The following GRB14 variants were observed in gnomAD, a reference collection of about 807,000 sequenced individuals.
GRB14 encodes the protein growth factor receptor-bound protein 14.
GRB14 carries 38 observed loss-of-function variants against 69.1 expected under a neutral mutation model. The observed-to-expected ratio is 0.55, with a 90% confidence interval of 0.42 to 0.72. The LOEUF (loss-of-function observed/expected upper bound fraction) is 0.72. Ranked by LOEUF, GRB14 falls within the 30% of genes least tolerant of loss-of-function variation. The probability of loss-of-function intolerance (pLI) is 0.00; values close to 1 mark genes in which losing one functional copy is unlikely to be tolerated. For synonymous variants in GRB14, 247 were observed against 241.3 expected (o/e 1.02, Z -0.22); for missense variants, 666 against 666.1 (o/e 1.00, Z 0.00).
chr2:164,616,231 T>C (rs561306995), intron 2 of GRB14, among the ~76,000 whole-genome samples: 1 of 151,956 alleles, frequency 6.6e-6, no homozygotes, highest in Non-Finnish European at 1.5e-5. Flanking sequence ...GAGATCATCC[T>C]GGCTAACACG....
Position 164,558,194 on chromosome 2 carries a change from G to T in GRB14, c.325-10378C>A, listed in dbSNP as rs568460417. Among the ~76,000 whole-genome samples, 19 of 152,164 alleles carry T rather than the reference G, an allele frequency of 1.2e-4. 1 individual carries two copies. The South Asian group carries it at 3.9e-3, about 32-fold the overall frequency. ...ACCTTTTCTGCTCTCCTTGTCTCAG[G>T]CCAAGAGCCATGAAGAGTACTCATT... On this transcript the variant is annotated intron_variant, in intron 2 of 13. Coordinates refer to ENST00000263915, the MANE Select transcript of GRB14 (RefSeq NM_004490.3).
Position 164,568,819 on chromosome 2 carries a change from A to G in GRB14, c.325-21003T>C, listed in dbSNP as rs1056221947. On this transcript the variant is annotated intron_variant, in intron 2 of 13. Transcript: ENST00000263915. ...GTATATAAATATATTAATGAACTAA[A>G]TTTACTTATGCTATTCATAAAATTG... Among the ~76,000 whole-genome samples the G allele has an allele frequency of 1.4e-4, 22 of 152,298 alleles. 1 individual carries two copies. Among genetic ancestry groups the G allele is most frequent in the African/African-American group, 5.3e-4 (22 of 41,564 alleles).
intron 2 of GRB14, among the ~76,000 whole-genome samples, chr2:164,618,200 C>T (rs1690355445): frequency 6.6e-6 from 1 of 151,868 alleles, no homozygotes; most frequent in African/African-American, 2.4e-5. Context: ...CTTCAGACTT[C>T]GTGATCTGCC....
chr2:164,610,876 A>T (rs2105359345), intron 2 of GRB14, among the ~76,000 whole-genome samples: 2 of 143,886 alleles, frequency 1.4e-5, no homozygotes, highest in South Asian at 2.2e-4. Flanking sequence ...AAAAAAATTA[A>T]AAAAAAAAAA....
At chr2:164,516,827 C>T (rs919872957) in intron 6 of GRB14, among the ~76,000 whole-genome samples, 3 of 152,122 alleles carry the variant, frequency 2.0e-5, no homozygotes, top group Non-Finnish European at 4.4e-5. Flanking sequence ...ATTTCGAGAC[C>T]AGCCTGGCTA....
chr2:164,611,318 G>A (rs1690162403), intron 2 of GRB14, among the ~76,000 whole-genome samples: 1 of 152,144 alleles, frequency 6.6e-6, no homozygotes. Flanking sequence ...GGCCATTTAT[G>A]GGGCTCCTGT....
At chr2:164,588,678 T>C (rs1689591518) in intron 2 of GRB14, among the ~76,000 whole-genome samples, 1 of 152,214 alleles carries the variant, frequency 6.6e-6, no homozygotes, top group African/African-American at 2.4e-5. Context: ...TCAGAAGTTA[T>C]TCAGGTAGAC....
At chr2:164,604,664 T>TA (rs1167620089) in intron 2 of GRB14, among the ~76,000 whole-genome samples, 1 of 152,112 alleles carries the variant, frequency 6.6e-6, no homozygotes, top group African/African-American at 2.4e-5. Flanking sequence ...GTTAGTTCTC[T>TA]AACTGTTTGG....
At chr2:164,580,320 T>G (rs951034362) in intron 2 of GRB14, among the ~76,000 whole-genome samples, 6 of 151,374 alleles carry the variant, frequency 4.0e-5, no homozygotes, top group African/African-American at 1.5e-4. Flanking sequence ...CTCGAACTCC[T>G]GACCTCAGGT....
intron 2 of GRB14, among the ~76,000 whole-genome samples, chr2:164,570,735 G>A (rs765376656): frequency 2.9e-4 from 44 of 152,290 alleles, no homozygotes; most frequent in Non-Finnish European, 5.0e-4. Flanking sequence ...TAGAAATGCT[G>A]TTTTGTATCA....
rs193235171 is a variant in GRB14 at position 164,560,902 on chromosome 2, C to T, written c.325-13086G>A. On this transcript the variant is annotated intron_variant, in intron 2 of 13. Coordinates refer to ENST00000263915, the MANE Select transcript of GRB14 (RefSeq NM_004490.3). ...TCATAATAGCAAGCATTATTAATAT[C>T]CTACAGGGGTAGAAAATCCTTATCC... Among the ~76,000 whole-genome samples, 320 of 152,184 alleles carry T rather than the reference C, an allele frequency of 2.1e-3. 1 individual carries two copies. Among genetic ancestry groups the T allele is most frequent in the Middle Eastern group, 0.017 (5 of 294 alleles).
chr2:164,503,442 C>CAAAAAAAAAAAAAAAAAAAAAAAAAA (rs148268784), intron 8 of GRB14, among the ~76,000 whole-genome samples: 1 of 92,258 alleles, frequency 1.1e-5, no homozygotes, highest in Non-Finnish European at 1.8e-5. Context: ...GGTAATTAGG[C>CAAAAAAAAAAAAAAAAAAAAAAAAAA]AAAAAAAAAA....
At chr2:164,514,059 T>C (rs1687413494) in intron 6 of GRB14, among the ~76,000 whole-genome samples, 1 of 152,260 alleles carries the variant, frequency 6.6e-6, no homozygotes, top group African/African-American at 2.4e-5. Context: ...GTAACCATTA[T>C]ATAGGTAAAC....
intron 2 of GRB14, among the ~76,000 whole-genome samples, chr2:164,567,398 T>C (rs531854048): frequency 2.3e-4 from 35 of 152,288 alleles, no homozygotes; most frequent in African/African-American, 7.9e-4. Flanking sequence ...TTCAAATAAA[T>C]TGCAACATGA....
intron 2 of GRB14, among the ~76,000 whole-genome samples, chr2:164,600,449 T>C (rs1244603685): frequency 6.6e-6 from 1 of 152,156 alleles, no homozygotes. Context: ...ACTCCTTCTG[T>C]AGGAGAAATG....
intron 5 of GRB14, among the ~76,000 whole-genome samples, chr2:164,522,987 C>T (rs1306746741): frequency 6.6e-6 from 1 of 151,944 alleles, no homozygotes; most frequent in African/African-American, 2.4e-5. Context: ...TACTCTGAGA[C>T]CATCACAGGT....
intron 2 of GRB14, among the ~76,000 whole-genome samples, chr2:164,611,574 A>C (rs1690167774): frequency 6.6e-6 from 1 of 151,234 alleles, no homozygotes; most frequent in African/African-American, 2.4e-5. Flanking sequence ...TATTGGACCT[A>C]TGCCGGCCTC....
rs374802442 is a variant in GRB14 at position 164,609,588 on chromosome 2, T to C, written c.324+10099A>G. ...CTTTGCATTTATAAATACATATTTA[T>C]TATATAAATTACATAAATTCAGTGC... On this transcript the variant is annotated intron_variant, in intron 2 of 13. Transcript: ENST00000263915. Among the ~76,000 whole-genome samples, 267 of 152,328 alleles carry C rather than the reference T, an allele frequency of 1.8e-3. 8 individuals carry two copies. In the South Asian group the frequency reaches 0.053, roughly 30 times the overall value.
chr2:164,508,777 G>GTTTT lies in GRB14; in HGVS notation c.888_891dup (p.His298LysfsTer7). ...AATCCATAGTTAGTCGGTGCTCCAT[G>GTTTT]TTTTTTTTTGCCTGCCAGTGACACA... is the stretch of plus-strand genomic sequence containing the variant. On this transcript the variant is annotated frameshift_variant, in exon 7 of 14. Coordinates refer to ENST00000263915, the MANE Select transcript of GRB14 (RefSeq NM_004490.3). LOFTEE classifies it high-confidence loss of function. 1 of 1,553,952 alleles carries GTTTT rather than the reference G, an allele frequency of 6.4e-7. No individual in the cohort carries two copies. The highest frequency in any genetic ancestry group is 1.2e-5 in the South Asian group (1 of 81,656).
Sources: allele counts gnomAD v4.1 joint callset (sites outside exome capture counted in the v4.1 genomes callset), GRCh38; gene constraint gnomAD v4.1.1; transcripts MANE v1.5; gene names NCBI Gene and HGNC (gene_info 2026-07-23, HGNC 2026-07-21).